The following SYCP2 variants were observed in gnomAD, a reference collection of about 807,000 sequenced individuals.
SYCP2 encodes synaptonemal complex protein 2, also known as synaptonemal complex lateral element protein.
SYCP2 carries 55 observed loss-of-function variants against 211.3 expected under a neutral mutation model. The ratio of observed to expected loss-of-function variants is 0.26; its 90% confidence interval spans 0.21 to 0.33. The LOEUF is 0.33. SYCP2 is among the 10% of genes least tolerant of loss of function. The probability of loss-of-function intolerance (pLI) is 1.00; values close to 1 mark genes in which losing one functional copy is unlikely to be tolerated. For missense variants in SYCP2, 1,731 were observed against 1,752.0 expected (o/e 0.99, Z 0.21); for synonymous variants, 570 against 555.2 (o/e 1.03, Z -0.37).
At position 59,875,023 on chromosome 20, in the gene SYCP2, T is replaced by C. The variant is rs560338629; in HGVS notation, c.3349+248A>G. Among the ~76,000 whole-genome samples, 16 of 152,158 alleles carry C rather than the reference T, an allele frequency of 1.1e-4. No homozygotes were observed. In the South Asian group the frequency reaches 2.5e-3, roughly 24 times the overall value. On this transcript the variant is annotated intron_variant, in intron 34 of 44. Transcript: ENST00000357552. Reference sequence around the variant, plus strand: ...AAGATTAAGTTATAATTTGTGAATATATATTATTTTCCATATTAAAGCATT... The same window carrying C: ...AAGATTAAGTTATAATTTGTGAATACATATTATTTTCCATATTAAAGCATT...
At chr20:59,933,342 C>G (rs2060808823) in intron 1 of SYCP2, 1 of 151,946 alleles carries the variant, frequency 6.6e-6, no homozygotes, top group African/African-American at 2.4e-5. Flanking sequence ...GCGCGAGCCA[C>G]CCTCGCCGCG....
chr20:59,922,643 G>A (rs1018248604), intron 2 of SYCP2, among the ~76,000 whole-genome samples, 184 bp from the exon 3 acceptor site: 1 of 151,606 alleles, frequency 6.6e-6, no homozygotes, highest in African/African-American at 2.4e-5. Context: ...CTAGAGAAAA[G>A]CCTGAAGATC....
intron 18 of SYCP2, among the ~76,000 whole-genome samples, chr20:59,897,407 T>C (rs923278540): frequency 7.2e-5 from 11 of 152,210 alleles, no homozygotes; most frequent in African/African-American, 2.7e-4. Context: ...CCTGAACAGT[T>C]ACTTATTCAT....
rs372383595 is a variant in SYCP2, at chr20:59,881,766, TA to T, written c.2658+178del. On this transcript the variant is annotated intron_variant, in intron 28 of 44. Transcript: ENST00000357552. The stretch of plus-strand genomic sequence containing the variant: ...TCTACCTTATTCCTAAACAAAAATT[TA>T]AAAAAAAAAAAAGCCACCTAAATAT... 3.8e-3 allele frequency among the ~76,000 whole-genome samples: 505 copies of T among 134,648 alleles called. 1 individual carries two copies. Among genetic ancestry groups the T allele is most frequent in the African/African-American group, 7.7e-3 (280 of 36,598 alleles). The allele number at this position is 134,648 out of a possible 152,430, so 88.3% of individuals were successfully genotyped here. A position where few individuals can be genotyped will look rare whatever the true frequency, so the allele number is the denominator to read the frequency against.
At chr20:59,887,408 T>C (rs747500390) in intron 24 of SYCP2, among the ~76,000 whole-genome samples, 13 of 152,140 alleles carry the variant, frequency 8.5e-5, no homozygotes, top group East Asian at 1.9e-4. Flanking sequence ...TGAGGGACAT[T>C]TGGGTGGGTT....
At chr20:59,873,778 C>G (rs952448338) in intron 35 of SYCP2, 78 bp downstream of exon 35, 31 of 1,257,576 alleles carry the variant, frequency 2.5e-5, no homozygotes, top group Non-Finnish European at 3.4e-5. Flanking sequence ...CAATGTGTAT[C>G]TGATTAAGAT....
intron 36 of SYCP2, among the ~76,000 whole-genome samples, chr20:59,869,418 G>C (rs1447554758): frequency 6.6e-6 from 1 of 151,662 alleles, no homozygotes; most frequent in Non-Finnish European, 1.5e-5. Context: ...ATTCTGTCTT[G>C]ATTTTCTATA....
intron 12 of SYCP2, among the ~76,000 whole-genome samples, chr20:59,913,110 AAAT>A (rs2060363311): frequency 1.3e-5 from 2 of 152,200 alleles, no homozygotes; most frequent in South Asian, 4.1e-4. Context: ...CATAGAACTT[AAAT>A]AAGAATACAA....
At chr20:59,907,506 G>A in intron 14 of SYCP2, 82 bp from the exon 15 acceptor site, 1 of 1,155,412 alleles carries the variant, frequency 8.7e-7, no homozygotes, top group South Asian at 1.4e-5. Flanking sequence ...TCAAGTTACA[G>A]GAACTATGAA....
intron 35 of SYCP2, 117 bp from the exon 36 acceptor site, chr20:59,870,100 C>G (rs1191450960): frequency 1.6e-6 from 1 of 610,634 alleles, no homozygotes; most frequent in East Asian, 2.9e-5. Flanking sequence ...ACTACTAATT[C>G]ACTGCAAAAA....
rs200195809 is a variant in SYCP2 at position 59,877,473 on chromosome 20, G to C, written c.3062C>G (p.Thr1021Arg). 6.3e-7 allele frequency: 1 copy of C among 1,598,776 alleles called. No individual in the cohort carries two copies. The highest frequency in any genetic ancestry group is 2.2e-5 in the East Asian group (1 of 44,480). Residue 1021 changes from threonine (T) to arginine (R), a missense_variant, in exon 33 of 45, where the codon ACA (threonine) becomes AGA (arginine). Transcript: ENST00000357552. ...TGAGAGATCTTTATAGTTTTTTTTT[G>C]TTTTGGTTGCTTTTCGTGGAAGTCT... ...RIRLPRKATKTKKNYKDLSNS... is the reference protein window; with the variant it reads ...RIRLPRKATKRKKNYKDLSNS...
rs1410064548 is a variant in SYCP2, at chr20:59,881,842, A to C, written c.2658+103T>G. The stretch of plus-strand genomic sequence containing the variant: ...TATTATATATTTCTTAAAAATTTTA[A>C]AGCATATGAGGATGCACATTAAAAA... On this transcript the variant is annotated intron_variant, in intron 28 of 44. Coordinates refer to ENST00000357552, the MANE Select transcript of SYCP2 (RefSeq NM_014258.4). 3.9e-6 allele frequency: 3 copies of C among 775,720 alleles called. No homozygotes were observed. The African/African-American group carries it at 5.4e-5, about 14-fold the overall frequency. The allele number at this position is 775,720 out of a possible 1,614,324, so 48.1% of individuals were successfully genotyped here.
intron 15 of SYCP2, 135 bp from the exon 16 acceptor site, chr20:59,901,945 T>C: frequency 1.5e-6 from 1 of 656,242 alleles, no homozygotes; most frequent in East Asian, 3.1e-5. Flanking sequence ...TTTAAATTAA[T>C]CAATTCTGGC....
chr20:59,868,767 C>G (rs1484971255), intron 37 of SYCP2, 68 bp downstream of exon 37: 1 of 1,397,396 alleles, frequency 7.2e-7, no homozygotes, highest in Non-Finnish European at 9.8e-7. Context: ...ATACATAATT[C>G]CTTTAGTTGA....
intron 25 of SYCP2, 149 bp from the exon 26 acceptor site, chr20:59,886,113 A>G: frequency 3.3e-6 from 2 of 604,940 alleles, no homozygotes. Context: ...TAGTTTTGCT[A>G]CTTCACTCAC....
rs1241514399 is a variant in SYCP2 at position 59,919,544 on chromosome 20, T to G, written c.351A>C (p.Ser117=). Residue 117 remains serine, a synonymous_variant, in exon 6 of 45, where the codon TCA becomes TCC. Coordinates refer to ENST00000357552, the MANE Select transcript of SYCP2 (RefSeq NM_014258.4). ...SKDIIQSQGN[S]KDEAVLNMIE... ...TCATATTTAGAACAGCTTCATCTTT[T>G]GAATTTCCTTGACTCTGAATAATGT... 1.2e-6 allele frequency: 2 copies of G among 1,610,886 alleles called. No individual in the cohort carries two copies. The highest frequency in any genetic ancestry group is 1.7e-6 in the Non-Finnish European group (2 of 1,178,082).
intron 26 of SYCP2, among the ~76,000 whole-genome samples, chr20:59,882,848 A>C (rs1388769138): frequency 6.6e-6 from 1 of 152,136 alleles, no homozygotes; most frequent in Non-Finnish European, 1.5e-5. Context: ...TGTACACTTA[A>C]AAATGATAAA....
chr20:59,919,445 A>T lies in SYCP2; in HGVS notation c.402+48T>A, dbSNP rs752830231. The T allele has an allele frequency of 2.2e-6, 3 of 1,370,784 alleles. No homozygotes were observed. In the East Asian group the frequency reaches 6.9e-5, roughly 32 times the overall value. 84.9% of individuals were successfully genotyped at this position (1,370,784 alleles called of 1,614,324 possible). A position where few individuals can be genotyped will look rare whatever the true frequency, so the allele number is the denominator to read the frequency against. On this transcript the variant is annotated intron_variant, in intron 6 of 44. Coordinates refer to ENST00000357552, the MANE Select transcript of SYCP2 (RefSeq NM_014258.4). ...CACAGAGAACACAAATTGTTTTTTA[A>T]ATAAACACATGCTTTATAAATATCA...
Position 59,886,773 on chromosome 20 carries a change from T to TAAATAGTAGG in SYCP2, c.2425_2426insCCTACTATTT (p.Asn809ThrfsTer5). The TAAATAGTAGG allele has an allele frequency of 6.3e-7, 1 of 1,592,044 alleles. No individual in the cohort carries two copies. ...GTCATCTTTTGTTTTGTATCTTTTA[T>TAAATAGTAGG]TGATTTGGCTTATCAAGGATTCTGC... is the stretch of plus-strand genomic sequence containing the variant. On this transcript the variant is annotated frameshift_variant, in exon 25 of 45. Transcript: ENST00000357552. LOFTEE classifies it high-confidence loss of function.
Sources: gnomAD v4.1 joint callset for allele counts (sites outside exome capture counted in the v4.1 genomes callset) on GRCh38, gnomAD v4.1.1 for gene constraint, MANE v1.5 for transcripts, NCBI Gene and HGNC (gene_info 2026-07-23, HGNC 2026-07-21) for gene names.